Variants in ZNF224 observed in about 807,000 individuals in gnomAD.
ZNF224 encodes the protein zinc finger protein 224.
A neutral mutation model predicts 10.5 loss-of-function variants in ZNF224; 8 were observed. The ratio of observed to expected loss-of-function variants is 0.76; its 90% confidence interval spans 0.45 to 1.37. The LOEUF is 1.37. Among genes scored for constraint, ZNF224 ranks in the 40% most tolerant of loss-of-function variants. The pLI is 0.00. For synonymous variants in ZNF224, 282 were observed against 287.8 expected, an observed-to-expected ratio of 0.98 and a Z score of 0.20; for missense variants, 754 against 854.0, an observed-to-expected ratio of 0.88 and a Z score of 1.46.
chr19:44,097,208 T>C (rs1270561319), intron 2 of ZNF224: 1 of 160,958 alleles, frequency 6.2e-6, no homozygotes, highest in Non-Finnish European at 1.4e-5. Context: ...ATTCTATCAA[T>C]ATGGCCTTAG....
At chr19:44,096,173 GTTA>G (rs1197716874) in intron 1 of ZNF224, 167 bp from the exon 2 acceptor site, 1 of 151,864 alleles carries the variant, frequency 6.6e-6, no homozygotes, top group Non-Finnish European at 1.5e-5. Context: ...TCTCATTATT[GTTA>G]TTATTTTTCC....
At chr19:44,096,577 C>T (rs1188148394) in intron 2 of ZNF224, 146 bp downstream of exon 2, 1 of 152,116 alleles carries the variant, frequency 6.6e-6, no homozygotes, top group East Asian at 1.9e-4. Context: ...ATCTATTATA[C>T]AGTGCTAGAT....
Position 44,096,340 on chromosome 19 carries a change from C to G in ZNF224, c.-157-3C>G, listed in dbSNP as rs570124179. On this transcript the variant is annotated splice_polypyrimidine_tract_variant and splice_region_variant and intron_variant, in intron 1 of 5. Coordinates refer to ENST00000693561, the MANE Select transcript of ZNF224 (RefSeq NM_001321645.3). Reference sequence around the variant, plus strand: ...TCCTGTTTGTTTTGTTGATGACCATCAGCTGAATACCACTAGAAACATACC... The same window carrying G: ...TCCTGTTTGTTTTGTTGATGACCATGAGCTGAATACCACTAGAAACATACC... 6.6e-6 allele frequency: 1 copy of G among 152,320 alleles called. No individual in the cohort carries two copies. Among genetic ancestry groups the G allele is most frequent in the African/African-American group, 2.4e-5 (1 of 41,562 alleles). 9.4% of individuals were successfully genotyped at this position (152,320 alleles called of 1,614,324 possible).
intron 5 of ZNF224, 172 bp from the exon 6 acceptor site, chr19:44,106,224 G>GTTCGAAATGATA (rs1438978464): frequency 1.6e-6 from 1 of 639,934 alleles, no homozygotes; most frequent in African/African-American, 1.8e-5. Context: ...TATGATACTT[G>GTTCGAAATGATA]GTTTAGTTCG....
chr19:44,108,020 A>G lies in ZNF224; in HGVS notation c.1860A>G (p.Arg620=). 1 of 1,614,248 alleles carries G rather than the reference A, an allele frequency of 6.2e-7. No homozygotes were observed. The highest frequency in any genetic ancestry group is 1.1e-5 in the South Asian group (1 of 91,088). The change falls in exon 6 of 6, where the codon AGA becomes AGG. Residue 620 remains arginine (R), a synonymous_variant. Coordinates refer to ENST00000693561, the MANE Select transcript of ZNF224 (RefSeq NM_001321645.3). The stretch of plus-strand genomic sequence containing the variant: ...TGACCCATCAGAGACGCCACAGCAG[A>G]GAAACACCTCTCAAATGTGAGCAGC... ...TRLTHQRRHS[R]ETPLKCEQHG... is the part of the protein sequence containing the mutation.
At chr19:44,097,456 T>G (rs1248825801) in intron 2 of ZNF224, among the ~76,000 whole-genome samples, 2 of 152,254 alleles carry the variant, frequency 1.3e-5, no homozygotes, top group Non-Finnish European at 2.9e-5. Context: ...GTTTTCTCTA[T>G]GCATTTTCCT....
At position 44,100,722 on chromosome 19, in the gene ZNF224, C is replaced by A. The variant is rs979064830; in HGVS notation, c.16-79C>A. ...GATCCAAAACAACTTCCCACCCCTCCCCTCTGTCTGCTCAGTGCCACCCCT... is the reference window on the plus strand; with the variant it reads ...GATCCAAAACAACTTCCCACCCCTCACCTCTGTCTGCTCAGTGCCACCCCT... On this transcript the variant is annotated intron_variant, in intron 3 of 5. Transcript: ENST00000693561. 5 of 1,523,946 alleles carry A rather than the reference C, an allele frequency of 3.3e-6. No homozygotes were observed. The African/African-American group carries it at 6.9e-5, about 21-fold the overall frequency. The allele number at this position is 1,523,946 out of a possible 1,614,324, so 94.4% of individuals were successfully genotyped here. A position where few individuals can be genotyped will look rare whatever the true frequency, so the allele number is the denominator to read the frequency against.
In ZNF224 at chr19:44,108,028, C is replaced by G. The variant is rs1568533412; in HGVS notation, c.1868C>G (p.Pro623Arg). ...CAGAGACGCCACAGCAGAGAAACAC[C>G]TCTCAAATGTGAGCAGCATGGGAAG... ...THQRRHSRET[P>R]LKCEQHGKNI... The change falls in exon 6 of 6, where the codon CCT (proline) becomes CGT (arginine). Residue 623 changes from proline (P) to arginine (R), a missense_variant. Physicochemically the swap from Pro to Arg is moderately radical, Grantham distance 103. Coordinates refer to ENST00000693561, the MANE Select transcript of ZNF224 (RefSeq NM_001321645.3). The G allele has an allele frequency of 6.2e-7, 1 of 1,614,190 alleles. No individual in the cohort carries two copies. The highest frequency in any genetic ancestry group is 2.2e-5 in the East Asian group (1 of 44,866).
chr19:44,102,775 A>G (rs8105860), intron 5 of ZNF224, among the ~76,000 whole-genome samples: 113,259 of 152,118 alleles, frequency 0.74, 43,642 homozygotes, highest in Non-Finnish European at 0.87. Flanking sequence ...TTTTGAATGA[A>G]CATTCTGATG....
Position 44,106,712 on chromosome 19 carries a change from C to A in ZNF224, c.552C>A (p.Asn184Lys), listed in dbSNP as rs781419928. The A allele has an allele frequency of 1.9e-6, 3 of 1,606,000 alleles. No individual in the cohort carries two copies. In the African/African-American group the frequency reaches 4.0e-5, roughly 21 times the overall value. ...ATACGTGTGATGAGTGTGGAAAGAA[C>A]TTTTGTTACATCTCAGCCCTTCGTA... ...KSHTCDECGK[N>K]FCYISALRIH... is the part of the protein sequence containing the mutation. The change falls in exon 6 of 6, where the codon AAC (asparagine) becomes AAA (lysine). Residue 184 changes from asparagine to lysine, a missense_variant. By Grantham distance (94) the Asn-to-Lys change is moderately conservative. Transcript: ENST00000693561.
chr19:44,108,849 G>A lies in ZNF224; in HGVS notation c.*565G>A. The stretch of plus-strand genomic sequence containing the variant: ...GGGAAGCCTGCAAAAAATAATTCTG[G>A]GAAACATGAGTTGAAATGCAGAGTA... On this transcript the variant is annotated 3_prime_UTR_variant, in exon 6 of 6. Coordinates refer to ENST00000693561, the MANE Select transcript of ZNF224 (RefSeq NM_001321645.3). 2.6e-6 allele frequency: 1 copy of A among 386,176 alleles called. No individual in the cohort carries two copies. Among genetic ancestry groups the A allele is most frequent in the Non-Finnish European group, 5.6e-6 (1 of 179,552 alleles). 23.9% of individuals were successfully genotyped at this position (386,176 alleles called of 1,614,324 possible).
intron 5 of ZNF224, among the ~76,000 whole-genome samples, chr19:44,102,665 C>G (rs1458910685): frequency 6.6e-6 from 1 of 152,206 alleles, no homozygotes; most frequent in East Asian, 1.9e-4. Flanking sequence ...ATGGAAACTT[C>G]TAAGCATTCT....
intron 3 of ZNF224, 129 bp downstream of exon 3, chr19:44,098,017 C>G (rs1460698745): frequency 1.0e-6 from 1 of 952,818 alleles, no homozygotes; most frequent in East Asian, 2.8e-5. Flanking sequence ...GTACCATGTA[C>G]TTCCTTTGTT....
intron 1 of ZNF224, chr19:44,094,848 C>A (rs979538655): frequency 2.6e-5 from 4 of 152,352 alleles, no homozygotes; most frequent in Admixed American, 6.5e-5. Context: ...TTAAAGCAGT[C>A]CCTGTCACTT....
At position 44,109,055 on chromosome 19, in the gene ZNF224, C is replaced by T. The variant is rs768757776; in HGVS notation, c.*771C>T. The T allele has an allele frequency of 3.6e-4, 63 of 177,286 alleles. 1 individual carries two copies. The highest frequency in any genetic ancestry group is 6.7e-4 in the Non-Finnish European group (55 of 82,146). 11.0% of individuals were successfully genotyped at this position (177,286 alleles called of 1,614,324 possible). On this transcript the variant is annotated 3_prime_UTR_variant, in exon 6 of 6. Coordinates refer to ENST00000693561, the MANE Select transcript of ZNF224 (RefSeq NM_001321645.3). ...TTGTGGCTCTATGAAATGTCCATTG[C>T]TTGTATACGGTATAAATTTAATTAT...
intron 5 of ZNF224, among the ~76,000 whole-genome samples, chr19:44,101,608 C>T (rs1005419268): frequency 1.3e-5 from 2 of 152,216 alleles, no homozygotes; most frequent in Non-Finnish European, 2.9e-5. Flanking sequence ...ACTTTATTCT[C>T]CCTGCTGTTT....
Position 44,108,486 on chromosome 19 carries a change from T to C in ZNF224, c.*202T>C. 1 of 604,280 alleles carries C rather than the reference T, an allele frequency of 1.7e-6. No individual in the cohort carries two copies. The highest frequency in any genetic ancestry group is 2.9e-6 in the Non-Finnish European group (1 of 350,306). The allele number at this position is 604,280 out of a possible 1,614,324, so 37.4% of individuals were successfully genotyped here. ...CATTTGTTTAAGATAACATCAGTGC[T>C]TCAGCCATAGCTCAGCATGCCCCAG... On this transcript the variant is annotated 3_prime_UTR_variant, in exon 6 of 6. Coordinates refer to ENST00000693561, the MANE Select transcript of ZNF224 (RefSeq NM_001321645.3).
In ZNF224 at chr19:44,107,553, T is replaced by G. The variant is rs376492450; in HGVS notation, c.1393T>G (p.Phe465Val). 67 of 1,613,214 alleles carry G rather than the reference T, an allele frequency of 4.2e-5. No individual in the cohort carries two copies. The highest frequency in any genetic ancestry group is 5.7e-5 in the Non-Finnish European group (67 of 1,179,774). Reference sequence around the variant, plus strand: ...TAATTGTAAGGAATGTGGGAAGAGCTTTAGTCGGGCCCCATGTCTTTTGAA... The same window carrying G: ...TAATTGTAAGGAATGTGGGAAGAGCGTTAGTCGGGCCCCATGTCTTTTGAA... ...LYNCKECGKS[F>V]SRAPCLLKHE... The change falls in exon 6 of 6, where the codon TTT (phenylalanine) becomes GTT (valine). Residue 465 changes from phenylalanine to valine, a missense_variant. Physicochemically the swap from Phe to Val is conservative, Grantham distance 50 (BLOSUM62 -1). Transcript: ENST00000693561.
chr19:44,107,358 T>C lies in ZNF224; in HGVS notation c.1198T>C (p.Phe400Leu). 1 of 1,596,140 alleles carries C rather than the reference T, an allele frequency of 6.3e-7. No homozygotes were observed. Among genetic ancestry groups the C allele is most frequent in the Non-Finnish European group, 8.5e-7 (1 of 1,172,506 alleles). ...GCGAGTCCACAGTGGAGAAAAACCA[T>C]TCAAATGTGAAGAATGTGGGAAAGG... is the stretch of plus-strand genomic sequence containing the variant. ...HQRVHSGEKP[F>L]KCEECGKGFY... is the part of the protein sequence containing the mutation. Residue 400 changes from phenylalanine to leucine, a missense_variant, in exon 6 of 6, where the codon TTC becomes CTC. Coordinates refer to ENST00000693561, the MANE Select transcript of ZNF224 (RefSeq NM_001321645.3).
Sources: gnomAD v4.1 joint callset for allele counts (sites outside exome capture counted in the v4.1 genomes callset) on GRCh38, gnomAD v4.1.1 for gene constraint, MANE v1.5 for transcripts, NCBI Gene and HGNC (gene_info 2026-07-23, HGNC 2026-07-21) for gene names.